PRDM10: variants seen among roughly 807,000 people sequenced by gnomAD.
The protein encoded by PRDM10 is PR domain zinc finger protein 10.
Under a neutral mutation model 133.1 loss-of-function variants are expected in PRDM10, and 65 were observed. The ratio of observed to expected loss-of-function variants is 0.49; its 90% confidence interval spans 0.40 to 0.60. The LOEUF (loss-of-function observed/expected upper bound fraction) is 0.60, where lower values mean the gene tolerates loss of function less well. Ranked by LOEUF, PRDM10 falls within the 20% of genes least tolerant of loss-of-function variation. The pLI is 0.00. For missense variants in PRDM10, 1,137 were observed against 1,507.1 expected (o/e 0.75, Z 4.07); for synonymous variants, 582 against 580.4 (o/e 1.00, Z -0.04).
intron 4 of PRDM10, among the ~76,000 whole-genome samples, chr11:129,952,391 T>C (rs1951603131): frequency 6.6e-6 from 1 of 152,218 alleles, no homozygotes; most frequent in South Asian, 2.1e-4. Flanking sequence ...ATATTTTCAG[T>C]GTCTGAAAAG....
intron 6 of PRDM10, among the ~76,000 whole-genome samples, chr11:129,943,229 C>A (rs1489664016): frequency 6.6e-6 from 1 of 152,214 alleles, no homozygotes; most frequent in Non-Finnish European, 1.5e-5. Context: ...TGACTATAAA[C>A]ATACTTCACC....
intron 17 of PRDM10, among the ~76,000 whole-genome samples, chr11:129,912,691 G>C (rs1591579760): frequency 6.6e-6 from 1 of 151,340 alleles, no homozygotes; most frequent in African/African-American, 2.4e-5. Flanking sequence ...GGCGGAGCTT[G>C]CAGTGAGCTG....
At position 129,945,650 on chromosome 11, in the gene PRDM10, C is replaced by T. The variant is rs1951382238; in HGVS notation, c.521-638G>A. The stretch of plus-strand genomic sequence containing the variant: ...GCCCATTCCAAGAGCACTCGGTTTG[C>T]ACCAGTCCGGCCACACGCCCTGCCT... On this transcript the variant is annotated intron_variant, in intron 5 of 20. Coordinates refer to ENST00000360871, the MANE Select transcript of PRDM10 (RefSeq NM_199437.2). This position sits in a 1 kb window ranked among gnomAD's most constrained non-coding sequence, Gnocchi z 4.2. 1.3e-5 allele frequency among the ~76,000 whole-genome samples: 2 copies of T among 152,290 alleles called. No individual in the cohort carries two copies. Among genetic ancestry groups the T allele is most frequent in the South Asian group, 2.1e-4 (1 of 4,828 alleles).
In PRDM10 at chr11:129,923,197, A is replaced by G. The variant is rs1950565792; in HGVS notation, c.2034+51T>C. On this transcript the variant is annotated intron_variant, in intron 13 of 20. Coordinates refer to ENST00000360871, the MANE Select transcript of PRDM10 (RefSeq NM_199437.2). The surrounding 1 kb of genome is among the most constrained non-coding windows in gnomAD (Gnocchi z 4.4). ...AACAGGCATTTACCCTCAGCTTGCT[A>G]TAATTCCAGTGGCCACGAGAACCAC... 2 of 1,505,228 alleles carry G rather than the reference A, an allele frequency of 1.3e-6. No homozygotes were observed. The highest frequency in any genetic ancestry group is 1.4e-5 in the African/African-American group (1 of 71,788). 93.2% of individuals were successfully genotyped at this position (1,505,228 alleles called of 1,614,324 possible).
In PRDM10 at chr11:129,968,243, C is replaced by T. The variant is rs1951945454; in HGVS notation, c.-118-7161G>A. 2.6e-5 allele frequency among the ~76,000 whole-genome samples: 4 copies of T among 152,196 alleles called. No homozygotes were observed. The South Asian group carries it at 8.3e-4, about 31-fold the overall frequency. ...CTCGCACCTCAAATGCCAGACACGT[C>T]ATTATTGATATGGAAAGAAGTGTAC... is the stretch of plus-strand genomic sequence containing the variant. On this transcript the variant is annotated intron_variant, in intron 1 of 20. Transcript: ENST00000360871.
rs1256054095 is a variant in PRDM10 at position 129,942,529 on chromosome 11, C to T, written c.863G>A (p.Arg288Gln). The T allele has an allele frequency of 8.1e-6, 13 of 1,613,820 alleles. No individual in the cohort carries two copies. Among genetic ancestry groups the T allele is most frequent in the Non-Finnish European group, 1.0e-5 (12 of 1,179,966 alleles). The change falls in exon 7 of 21, where the codon CGG becomes CAG. Residue 288 changes from arginine (R) to glutamine (Q), a missense_variant. By Grantham distance (43) the Arg-to-Gln change is conservative. Around this residue, in one of 6 missense-constraint regions of PRDM10, gnomAD observed 635 missense variants for 835.2 expected, o/e 0.76. Coordinates refer to ENST00000360871, the MANE Select transcript of PRDM10 (RefSeq NM_199437.2). ...ETLCNWMMFV[R>Q]PAQNHLEQNL... ...CTGCTCCAGGTGATTCTGGGCTGGC[C>T]GTACAAACATCATCCAGTTACAAAG...
rs975050360 is a variant in PRDM10, at chr11:129,918,444, T to C, written c.2214+95A>G. The C allele has an allele frequency of 7.1e-7, 1 of 1,398,790 alleles. No homozygotes were observed. The highest frequency in any genetic ancestry group is 1.5e-5 in the South Asian group (1 of 64,778). 86.6% of individuals were successfully genotyped at this position (1,398,790 alleles called of 1,614,324 possible). On this transcript the variant is annotated intron_variant, in intron 14 of 20. Coordinates refer to ENST00000360871, the MANE Select transcript of PRDM10 (RefSeq NM_199437.2). The surrounding 1 kb of genome is among the most constrained non-coding windows in gnomAD (Gnocchi z 5.3). Reference sequence around the variant, plus strand: ...ACATTGACAAAACCATTGATCGATATAACTTAGGACACAATGCAACACAAA... The same window carrying C: ...ACATTGACAAAACCATTGATCGATACAACTTAGGACACAATGCAACACAAA...
intron 19 of PRDM10, among the ~76,000 whole-genome samples, chr11:129,908,496 AG>A (rs1716757957): frequency 6.6e-6 from 1 of 152,134 alleles, no homozygotes. Flanking sequence ...TTTTAGAGGT[AG>A]GTACCAAAAT....
chr11:129,922,529 T>C (rs771845278), intron 13 of PRDM10, among the ~76,000 whole-genome samples: 4 of 152,202 alleles, frequency 2.6e-5, no homozygotes, highest in Non-Finnish European at 5.9e-5. Flanking sequence ...GTTACAAATA[T>C]ACCCTTAGTT....
chr11:129,935,327 A>G, intron 8 of PRDM10, 109 bp from the exon 9 acceptor site: 4 of 798,164 alleles, frequency 5.0e-6, no homozygotes, highest in Non-Finnish European at 8.7e-6. Flanking sequence ...CAAAGAGTTC[A>G]TAACTATATA....
At position 129,923,269 on chromosome 11, in the gene PRDM10, G is replaced by A; in HGVS notation, c.2013C>T (p.Ser671=). The change falls in exon 13 of 21, where the codon TCC becomes TCT. Residue 671 remains serine (S), a synonymous_variant. Transcript: ENST00000360871. The surrounding 1 kb of genome is among the most constrained non-coding windows in gnomAD (Gnocchi z 4.4). ...RHSDRKDFLC[S]TCGKQFKRKD... ...ATACCTTAAATTGCTTCCCACAGGT[G>A]GAACACAGGAAGTCTTTGCGGTCCG... is the stretch of plus-strand genomic sequence containing the variant. 6.3e-7 allele frequency: 1 copy of A among 1,589,828 alleles called. No individual in the cohort carries two copies. The highest frequency in any genetic ancestry group is 8.6e-7 in the Non-Finnish European group (1 of 1,167,220).
rs1448105453 is a variant in PRDM10 at position 129,918,061 on chromosome 11, G to A, written c.2214+478C>T. Among the ~76,000 whole-genome samples, 3 of 152,130 alleles carry A rather than the reference G, an allele frequency of 2.0e-5. No individual in the cohort carries two copies. The highest frequency in any genetic ancestry group is 2.9e-5 in the Non-Finnish European group (2 of 68,026). The stretch of plus-strand genomic sequence containing the variant: ...CAGGAGAATCGCTTGAACCTGGGAG[G>A]GGGAGGTTGCAGTGAGCTGAGATCA... On this transcript the variant is annotated intron_variant, in intron 14 of 20. Coordinates refer to ENST00000360871, the MANE Select transcript of PRDM10 (RefSeq NM_199437.2). This position sits in a 1 kb window ranked among gnomAD's most constrained non-coding sequence, Gnocchi z 5.3.
In PRDM10 at chr11:129,923,326, G is replaced by C. The variant is rs774486359; in HGVS notation, c.1956C>G (p.Pro652=). The C allele has an allele frequency of 2.5e-6, 4 of 1,610,364 alleles. No homozygotes were observed. The South Asian group carries it at 4.4e-5, about 18-fold the overall frequency. Residue 652 remains proline, a synonymous_variant, in exon 13 of 21, where the codon CCC becomes CCG. Coordinates refer to ENST00000360871, the MANE Select transcript of PRDM10 (RefSeq NM_199437.2). This position sits in a 1 kb window ranked among gnomAD's most constrained non-coding sequence, Gnocchi z 4.4. ...GGAGCATGTGGAGTCGCAGTTTATC[G>C]GGGCGACAGAAGGCCTTGTCACACT... ...CTECDKAFCR[P]DKLRLHMLRH...
intron 1 of PRDM10, among the ~76,000 whole-genome samples, chr11:129,987,628 A>G (rs919061139): frequency 1.3e-5 from 2 of 152,000 alleles, no homozygotes; most frequent in Non-Finnish European, 2.9e-5. Flanking sequence ...TAAAAAATGG[A>G]AACGATCCAA....
intron 1 of PRDM10, among the ~76,000 whole-genome samples, chr11:129,972,432 G>C (rs1453716786): frequency 6.6e-6 from 1 of 152,240 alleles, no homozygotes; most frequent in East Asian, 1.9e-4. Flanking sequence ...AAATTTGTGA[G>C]ACTGAAAATT....
At chr11:129,981,167 G>A (rs923343500) in intron 1 of PRDM10, among the ~76,000 whole-genome samples, 34 of 152,016 alleles carry the variant, frequency 2.2e-4, no homozygotes, top group African/African-American at 7.2e-4. Context: ...CACTGTGCCC[G>A]GGCTATGATG....
intron 11 of PRDM10, among the ~76,000 whole-genome samples, chr11:129,926,824 T>C (rs1313114207): frequency 6.6e-6 from 1 of 152,208 alleles, no homozygotes; most frequent in East Asian, 1.9e-4. Flanking sequence ...TCAAAAGTAG[T>C]TTGAGAATCA....
Position 129,944,851 on chromosome 11 carries a change from G to A in PRDM10, c.682C>T (p.Pro228Ser). 6.2e-7 allele frequency: 1 copy of A among 1,614,156 alleles called. No individual in the cohort carries two copies. Among genetic ancestry groups the A allele is most frequent in the Non-Finnish European group, 8.5e-7 (1 of 1,180,036 alleles). ...ACGGGGCCAAACTGGGTGCGCTTGGGGATGCGCCGCTTGGAGAACACCCCG... is the reference window on the plus strand; with the variant it reads ...ACGGGGCCAAACTGGGTGCGCTTGGAGATGCGCCGCTTGGAGAACACCCCG... ...LGGVFSKRRIPKRTQFGPVEG... is the reference protein window; with the variant it reads ...LGGVFSKRRISKRTQFGPVEG... The change falls in exon 6 of 21, where the codon CCC (proline) becomes TCC (serine). Residue 228 changes from proline (P) to serine (S), a missense_variant. Physicochemically the swap from Pro to Ser is moderately conservative, Grantham distance 74. Coordinates refer to ENST00000360871, the MANE Select transcript of PRDM10 (RefSeq NM_199437.2).
In PRDM10 at chr11:129,985,815, T is replaced by A. The variant is rs867693658; in HGVS notation, c.-119+16907A>T. Among the ~76,000 whole-genome samples the A allele has an allele frequency of 5.1e-4, 58 of 113,226 alleles. 1 individual carries two copies. Among genetic ancestry groups the A allele is most frequent in the Non-Finnish European group, 6.6e-4 (38 of 57,378 alleles). The allele number at this position is 113,226 out of a possible 152,430, so 74.3% of individuals were successfully genotyped here. On this transcript the variant is annotated intron_variant, in intron 1 of 20. Transcript: ENST00000360871. ...AAAAAAAAAAAAAAAAAAAAATATA[T>A]ATATATATATATATATATGTATATA...
Sources: gnomAD v4.1 joint callset for allele counts (sites outside exome capture counted in the v4.1 genomes callset) on GRCh38, gnomAD v4.1.1 for gene constraint, gnomAD v4.1.1 regional missense constraint, Gnocchi (gnomAD v3.1) non-coding constraint, MANE v1.5 for transcripts, NCBI Gene and HGNC (gene_info 2026-07-23, HGNC 2026-07-21) for gene names.